RAB3GAP1: variants seen among roughly 807,000 people sequenced by gnomAD.
RAB3GAP1 encodes RAB3 GTPase activating protein catalytic subunit 1.
RAB3GAP1 carries 86 observed loss-of-function variants against 130.7 expected under a neutral mutation model. The ratio of observed to expected loss-of-function variants is 0.66; its 90% CI spans 0.55 to 0.79. The LOEUF (loss-of-function observed/expected upper bound fraction) is 0.79. RAB3GAP1 is among the 30% of genes least tolerant of loss of function. RAB3GAP1 has a pLI of 0.00. For synonymous variants in RAB3GAP1, 367 were observed against 401.7 expected, an observed-to-expected ratio of 0.91 and a Z score of 1.03; for missense variants, 1,029 against 1,169.4, an observed-to-expected ratio of 0.88 and a Z score of 1.75.
chr2:135,149,051 T>C (rs549018850), intron 17 of RAB3GAP1, among the ~76,000 whole-genome samples: 1 of 152,172 alleles, frequency 6.6e-6, no homozygotes, highest in Non-Finnish European at 1.5e-5. Context: ...CACATGCAAC[T>C]TGCTGCTTAT....
intron 17 of RAB3GAP1, among the ~76,000 whole-genome samples, chr2:135,139,554 A>T (rs1056424678): frequency 6.6e-6 from 1 of 152,078 alleles, no homozygotes; most frequent in African/African-American, 2.4e-5. Flanking sequence ...AATTAAAAAA[A>T]AAAAAAATAA....
At chr2:135,133,048 A>G (rs1049667807) in intron 14 of RAB3GAP1, 64 bp downstream of exon 14, 13 of 996,568 alleles carry the variant, frequency 1.3e-5, no homozygotes, top group Admixed American at 1.8e-5. Context: ...GAGGTTCTAT[A>G]TATTTCTAGT....
intron 13 of RAB3GAP1, among the ~76,000 whole-genome samples, chr2:135,131,238 T>C (rs539789699): frequency 3.9e-5 from 6 of 152,230 alleles, no homozygotes; most frequent in African/African-American, 1.4e-4. Flanking sequence ...ATTTATTTAT[T>C]TTTTTTGAGA....
intron 1 of RAB3GAP1, 23 bp downstream of exon 1, chr2:135,052,348 A>T: frequency 6.2e-7 from 1 of 1,614,040 alleles, no homozygotes; most frequent in Non-Finnish European, 8.5e-7. Context: ...CTCCCTACTT[A>T]ATCCTTGTCA....
intron 5 of RAB3GAP1, among the ~76,000 whole-genome samples, chr2:135,098,212 T>TG (rs1191036562): frequency 6.6e-6 from 1 of 151,956 alleles, no homozygotes; most frequent in Non-Finnish European, 1.5e-5. Context: ...TTTTTGGGGG[T>TG]GGGGGTTGTT....
rs746473834 is a variant in RAB3GAP1 at position 135,113,259 on chromosome 2, A to G, written c.471A>G (p.Gly157=). The G allele has an allele frequency of 3.1e-6, 5 of 1,614,206 alleles. No homozygotes were observed. Among genetic ancestry groups the G allele is most frequent in the East Asian group, 2.2e-5 (1 of 44,882 alleles). ...TGAGTTCTGTTTCTATTGCCTTGGG[A>G]AACACTGGCTGGTGAGTGGACATTT... ...LLLSSVSIAL[G]NTGCQVPLFV... Residue 157 remains glycine (G), a synonymous_variant, in exon 6 of 24, where the codon GGA becomes GGG. Transcript: ENST00000264158.
At position 135,111,516 on chromosome 2, in the gene RAB3GAP1, G is replaced by A. The variant is rs953180388; in HGVS notation, c.363-1635G>A. Among the ~76,000 whole-genome samples the A allele has an allele frequency of 3.9e-5, 6 of 152,234 alleles. No individual in the cohort carries two copies. In the South Asian group the frequency reaches 1.2e-3, roughly 32 times the overall value. On this transcript the variant is annotated intron_variant, in intron 5 of 23. Transcript: ENST00000264158. ...TAACCCCTTTTTAATGTGTTATTGA[G>A]TAAAAGAACACAAGAATTCTTTAAT...
At chr2:135,133,832 T>G (rs1691611088) in intron 14 of RAB3GAP1, 29 bp from the exon 15 acceptor site, 1 of 1,602,038 alleles carries the variant, frequency 6.2e-7, no homozygotes, top group South Asian at 1.1e-5. Flanking sequence ...GGTAACAAGT[T>G]TGCTTTGTTT....
chr2:135,102,938 C>T (rs1690489242), intron 5 of RAB3GAP1, among the ~76,000 whole-genome samples: 2 of 146,740 alleles, frequency 1.4e-5, no homozygotes, highest in African/African-American at 5.2e-5. Context: ...TTGCCTGAAC[C>T]CGGTAGGCAG....
At chr2:135,098,431 GTT>G (rs1441134341) in intron 5 of RAB3GAP1, among the ~76,000 whole-genome samples, 1 of 152,130 alleles carries the variant, frequency 6.6e-6, no homozygotes, top group Non-Finnish European at 1.5e-5. Flanking sequence ...ATGAAGTTCA[GTT>G]TTATCAATTT....
At chr2:135,137,170 T>C in intron 17 of RAB3GAP1, 1 of 393,584 alleles carries the variant, frequency 2.5e-6, no homozygotes, top group Non-Finnish European at 5.0e-6. Flanking sequence ...TCAGCAGTAT[T>C]AATTTTGCAT....
intron 5 of RAB3GAP1, among the ~76,000 whole-genome samples, chr2:135,106,463 C>G (rs765258174): frequency 2.6e-5 from 4 of 152,130 alleles, no homozygotes; most frequent in Non-Finnish European, 4.4e-5. Flanking sequence ...TACCCCCAAC[C>G]CGTGCTCTCT....
intron 11 of RAB3GAP1, 29 bp from the exon 12 acceptor site, chr2:135,129,966 T>G: frequency 7.1e-7 from 1 of 1,411,452 alleles, no homozygotes; most frequent in South Asian, 1.2e-5. Context: ...TTCAGTTAAG[T>G]GTCAAAAATA....
intron 3 of RAB3GAP1, among the ~76,000 whole-genome samples, chr2:135,083,591 A>G (rs1272373528): frequency 6.6e-6 from 1 of 151,776 alleles, no homozygotes; most frequent in Non-Finnish European, 1.5e-5. Context: ...CCTTCCAAGT[A>G]GGTAGAACTA....
At position 135,162,599 on chromosome 2, in the gene RAB3GAP1, G is replaced by A; in HGVS notation, c.2334G>A (p.Arg778=). Residue 778 remains arginine, a synonymous_variant, in exon 20 of 24, where the codon CGG becomes CGA. Coordinates refer to ENST00000264158, the MANE Select transcript of RAB3GAP1 (RefSeq NM_012233.3). ...TCCAGAAACCTGCAGACCTTGCTCG[G>A]CACCTGTTACCTTGTGTGATTCATG... ...LAIQKPADLA[R]HLLPCVIHAA... 6.2e-7 allele frequency: 1 copy of A among 1,614,052 alleles called. No homozygotes were observed. Among genetic ancestry groups the A allele is most frequent in the East Asian group, 2.2e-5 (1 of 44,882 alleles).
At chr2:135,100,890 G>A (rs557422593) in intron 5 of RAB3GAP1, among the ~76,000 whole-genome samples, 48 of 152,330 alleles carry the variant, frequency 3.2e-4, no homozygotes, top group African/African-American at 1.0e-3. Context: ...AATTCAGACA[G>A]ATTAAGTCAG....
chr2:135,149,880 A>G (rs1692123327), intron 17 of RAB3GAP1, among the ~76,000 whole-genome samples: 1 of 152,056 alleles, frequency 6.6e-6, no homozygotes, highest in South Asian at 2.1e-4. Context: ...GATGGTCTCG[A>G]TCTCCTGACC....
At chr2:135,091,975 T>C (rs144212926) in intron 4 of RAB3GAP1, among the ~76,000 whole-genome samples, 1 of 152,346 alleles carries the variant, frequency 6.6e-6, no homozygotes, top group African/African-American at 2.4e-5. Flanking sequence ...AGATTATCAT[T>C]TGTAAGCTCA....
At chr2:135,125,632 C>T (rs1314238802) in intron 9 of RAB3GAP1, among the ~76,000 whole-genome samples, 7 of 152,022 alleles carry the variant, frequency 4.6e-5, no homozygotes, top group Non-Finnish European at 1.0e-4. Flanking sequence ...CTCTGATCAC[C>T]AAGACAGTTA....
Sources: gnomAD v4.1 joint callset for allele counts (sites outside exome capture counted in the v4.1 genomes callset) on GRCh38, gnomAD v4.1.1 for gene constraint, MANE v1.5 for transcripts, NCBI Gene and HGNC (gene_info 2026-07-23, HGNC 2026-07-21) for gene names.